The following ADAMTS17 variants were observed in gnomAD, a reference collection of about 807,000 sequenced individuals.
The protein encoded by ADAMTS17 is ADAM metallopeptidase with thrombospondin type 1 motif 17.
ADAMTS17 carries 113 observed loss-of-function variants against 141.5 expected under a neutral mutation model. The observed-to-expected ratio is 0.80, with a 90% CI of 0.69 to 0.93. ADAMTS17 has a LOEUF of 0.93. ADAMTS17 is among the 40% of genes least tolerant of loss of function. The probability of loss-of-function intolerance (pLI) is 0.00; values close to 1 mark genes in which losing one functional copy is unlikely to be tolerated. For missense variants in ADAMTS17, 1,659 were observed against 1,517.9 expected, an observed-to-expected ratio of 1.09 and a Z score of -1.54; for synonymous variants, 768 against 630.6, an observed-to-expected ratio of 1.22 and a Z score of -3.27.
intron 15 of ADAMTS17, among the ~76,000 whole-genome samples, chr15:100,083,500 T>G (rs729316): frequency 0.33 from 49,994 of 151,970 alleles, 10,534 homozygotes; most frequent in East Asian, 0.59. Context: ...GGTTATCTTT[T>G]GAAGACCTGA....
intron 17 of ADAMTS17, 102 bp downstream of exon 17, chr15:100,051,470 C>T (rs1190489224): frequency 1.3e-6 from 2 of 1,513,152 alleles, no homozygotes; most frequent in South Asian, 1.1e-5. Flanking sequence ...CATGGAGCTA[C>T]AGGTTGCAGA....
chr15:100,314,842 C>A (rs2045512001), intron 3 of ADAMTS17, among the ~76,000 whole-genome samples: 1 of 152,160 alleles, frequency 6.6e-6, no homozygotes, highest in Admixed American at 6.5e-5. Context: ...CTGCTCCCAG[C>A]TGGAGCCAGG....
intron 14 of ADAMTS17, among the ~76,000 whole-genome samples, chr15:100,099,743 T>C (rs76419339): frequency 0.014 from 1,994 of 139,840 alleles, 44 homozygotes; most frequent in African/African-American, 0.049. Flanking sequence ...CATGGGATGG[T>C]ATGAGATGGT....
intron 8 of ADAMTS17, among the ~76,000 whole-genome samples, chr15:100,196,864 C>T (rs977983219): frequency 6.6e-6 from 1 of 152,238 alleles, no homozygotes; most frequent in African/African-American, 2.4e-5. Flanking sequence ...CTTCCCAACA[C>T]TTGCGACTAA....
intron 8 of ADAMTS17, among the ~76,000 whole-genome samples, chr15:100,176,136 A>G (rs2040330890): frequency 6.6e-6 from 1 of 152,182 alleles, no homozygotes. Context: ...TCAGTGGCCA[A>G]CCACTCTCCA....
At chr15:100,251,717 G>A (rs774556810) in intron 7 of ADAMTS17, among the ~76,000 whole-genome samples, 6 of 152,194 alleles carry the variant, frequency 3.9e-5, no homozygotes, top group East Asian at 1.9e-4. Flanking sequence ...CAGCCTGGGC[G>A]ACAGAGCGAG....
At chr15:100,281,036 G>A (rs1312310339) in intron 4 of ADAMTS17, among the ~76,000 whole-genome samples, 193 bp downstream of exon 4, 1 of 152,192 alleles carries the variant, frequency 6.6e-6, no homozygotes, top group Non-Finnish European at 1.5e-5. Flanking sequence ...GGAGCCGAGG[G>A]CAGGTGCTCT....
intron 18 of ADAMTS17, among the ~76,000 whole-genome samples, chr15:100,047,733 A>T (rs1272426737): frequency 6.6e-6 from 1 of 152,094 alleles, no homozygotes; most frequent in Non-Finnish European, 1.5e-5. Flanking sequence ...TAGTTTCCAG[A>T]GAAGAGGCTG....
chr15:100,255,167 G>T (rs4467054), intron 6 of ADAMTS17, among the ~76,000 whole-genome samples: 74,163 of 151,980 alleles, frequency 0.49, 19,118 homozygotes, highest in East Asian at 0.68. Flanking sequence ...GGAAACCAGG[G>T]GTCTAGGCTC....
chr15:100,307,412 C>A (rs889653814), intron 3 of ADAMTS17, among the ~76,000 whole-genome samples: 2 of 152,120 alleles, frequency 1.3e-5, no homozygotes, highest in Non-Finnish European at 2.9e-5. Flanking sequence ...TTAAGTAAAC[C>A]CAGAGTGAAA....
intron 3 of ADAMTS17, among the ~76,000 whole-genome samples, chr15:100,325,845 A>G (rs970259664): frequency 6.6e-6 from 1 of 152,220 alleles, no homozygotes; most frequent in Non-Finnish European, 1.5e-5. Flanking sequence ...AGGCAACACA[A>G]ATCGACTAAC....
intron 3 of ADAMTS17, among the ~76,000 whole-genome samples, chr15:100,304,274 T>A (rs2045145211): frequency 6.6e-6 from 1 of 152,198 alleles, no homozygotes; most frequent in Non-Finnish European, 1.5e-5. Context: ...CTGGCTCCAC[T>A]GTCTTCTGGG....
chr15:100,117,540 G>A (rs1007902307), intron 12 of ADAMTS17, among the ~76,000 whole-genome samples: 10 of 152,172 alleles, frequency 6.6e-5, no homozygotes, highest in African/African-American at 9.7e-5. Context: ...AGTTAGATCC[G>A]GGCTGTGCTA....
At chr15:100,037,559 C>A (rs1435698664) in intron 18 of ADAMTS17, among the ~76,000 whole-genome samples, 2 of 152,080 alleles carry the variant, frequency 1.3e-5, no homozygotes, top group East Asian at 3.9e-4. Context: ...CAGACATGCA[C>A]CACCACACCC....
intron 3 of ADAMTS17, among the ~76,000 whole-genome samples, chr15:100,328,997 T>C (rs778406962): frequency 6.6e-6 from 1 of 152,154 alleles, no homozygotes; most frequent in Admixed American, 6.5e-5. Context: ...TCCTTAGCGA[T>C]GTGGTTTTCA....
rs896512144 is a variant in ADAMTS17, at chr15:99,993,471, G to A, written c.2797-271C>T. Reference sequence around the variant, plus strand: ...CTCATAAGGTCACATGAGGGGAGTGGAATTCAGTGGCCACTTGTCGGGTCC... The same window carrying A: ...CTCATAAGGTCACATGAGGGGAGTGAAATTCAGTGGCCACTTGTCGGGTCC... On this transcript the variant is annotated intron_variant, in intron 19 of 21. Transcript: ENST00000268070. This position sits in a 1 kb window ranked among gnomAD's most constrained non-coding sequence, Gnocchi z 4.3. Among the ~76,000 whole-genome samples the A allele has an allele frequency of 2.0e-5, 3 of 152,148 alleles. No individual in the cohort carries two copies. Among genetic ancestry groups the A allele is most frequent in the African/African-American group, 7.2e-5 (3 of 41,450 alleles).
chr15:100,168,034 G>T (rs530565323), intron 8 of ADAMTS17, among the ~76,000 whole-genome samples: 1 of 152,182 alleles, frequency 6.6e-6, no homozygotes, highest in African/African-American at 2.4e-5. Flanking sequence ...TCTAAACACC[G>T]CAGGACGAAC....
Position 100,324,254 on chromosome 15 carries a change from G to A in ADAMTS17, c.616+6635C>T, listed in dbSNP as rs983181184. ...CGGGAGACAGATTTTGCAGTGAGCC[G>A]AGATCACGCCACTACACTCTAGCCA... On this transcript the variant is annotated intron_variant, in intron 3 of 21. Transcript: ENST00000268070. Among the ~76,000 whole-genome samples, 13 of 152,096 alleles carry A rather than the reference G, an allele frequency of 8.5e-5. No homozygotes were observed. The East Asian group carries it at 1.5e-3, about 18-fold the overall frequency.
intron 20 of ADAMTS17, among the ~76,000 whole-genome samples, chr15:99,977,005 A>C (rs1469828): frequency 0.65 from 99,201 of 151,932 alleles, 32,553 homozygotes; most frequent in Non-Finnish European, 0.66. Context: ...GAGGTCTCCC[A>C]AGCACTGTCT....
Sources: allele counts gnomAD v4.1 joint callset (sites outside exome capture counted in the v4.1 genomes callset), GRCh38; gene constraint gnomAD v4.1.1; non-coding constraint Gnocchi (gnomAD v3.1); transcripts MANE v1.5; gene names NCBI Gene and HGNC (gene_info 2026-07-23, HGNC 2026-07-21).